PSAP: variants seen among roughly 807,000 people sequenced by gnomAD.
PSAP encodes prosaposin, also known as precursor of saposins.
Under a neutral mutation model 66.0 loss-of-function variants are expected in PSAP, and 25 were observed. The observed-to-expected ratio is 0.38, with a 90% CI of 0.28 to 0.53. The LOEUF (loss-of-function observed/expected upper bound fraction) is 0.53, where lower values mean the gene tolerates loss of function less well. PSAP is among the 20% of genes least tolerant of loss of function. The probability of loss-of-function intolerance (pLI) is 0.83; values close to 1 mark genes in which losing one functional copy is unlikely to be tolerated. For missense variants in PSAP, 649 were observed against 668.8 expected, an observed-to-expected ratio of 0.97 and a Z score of 0.33; for synonymous variants, 273 against 258.9, an observed-to-expected ratio of 1.05 and a Z score of -0.52.
chr10:71,850,409 AT>A (rs1438788142), intron 1 of PSAP, among the ~76,000 whole-genome samples: 1 of 152,196 alleles, frequency 6.6e-6, no homozygotes, highest in Non-Finnish European at 1.5e-5. Context: ...AAATGTTTAA[AT>A]TTACCTATGG....
intron 1 of PSAP, among the ~76,000 whole-genome samples, chr10:71,842,560 C>CA (rs1272331634): frequency 3.9e-5 from 6 of 152,228 alleles, no homozygotes; most frequent in African/African-American, 1.4e-4. Context: ...TGAGAGCCTC[C>CA]AAGCTAAACA....
chr10:71,827,256 G>A (rs540227874), intron 6 of PSAP, among the ~76,000 whole-genome samples: 46 of 152,134 alleles, frequency 3.0e-4, no homozygotes, highest in Non-Finnish European at 5.9e-4. Flanking sequence ...ATAATTAGCC[G>A]GGCATGGTGG....
chr10:71,830,165 G>C (rs1842483974), intron 4 of PSAP, among the ~76,000 whole-genome samples: 2 of 152,198 alleles, frequency 1.3e-5, no homozygotes, highest in South Asian at 4.1e-4. Flanking sequence ...TGCCCACCCT[G>C]CAGACATCTC....
intron 1 of PSAP, among the ~76,000 whole-genome samples, chr10:71,835,873 C>T (rs867057099): frequency 3.3e-5 from 5 of 150,010 alleles, no homozygotes; most frequent in Middle Eastern, 3.5e-3. Flanking sequence ...ACACTTAGAA[C>T]CTCAGGAATC....
chr10:71,818,673 A>T lies in PSAP; in HGVS notation c.1483T>A (p.Cys495Ser). 6.2e-7 allele frequency: 1 copy of T among 1,613,866 alleles called. No individual in the cohort carries two copies. The highest frequency in any genetic ancestry group is 8.5e-7 in the Non-Finnish European group (1 of 1,179,978). ...AHKPLLGTEK[C>S]IWGPSYWCQN... The stretch of plus-strand genomic sequence containing the variant: ...CACCAGTAGCTTGGGCCCCATATAC[A>T]CTTCTCAGTTCCCAACAAGGGCTTA... Residue 495 changes from cysteine to serine, a missense_variant, in exon 13 of 14, where the codon TGT becomes AGT. Cys to Ser is a moderately radical substitution (Grantham distance 112). Transcript: ENST00000394936.
intron 1 of PSAP, among the ~76,000 whole-genome samples, chr10:71,847,423 C>T (rs901076547): frequency 5.3e-5 from 8 of 152,142 alleles, no homozygotes; most frequent in African/African-American, 9.7e-5. Context: ...TGGTGGGCAC[C>T]TATAATCCTA....
chr10:71,837,063 G>A (rs1842639584), intron 1 of PSAP, among the ~76,000 whole-genome samples: 1 of 152,192 alleles, frequency 6.6e-6, no homozygotes, highest in South Asian at 2.1e-4. Context: ...GATACGCATG[G>A]TGGAGAATTC....
intron 1 of PSAP, among the ~76,000 whole-genome samples, chr10:71,847,869 CAT>C (rs1349033096): frequency 7.9e-5 from 12 of 152,180 alleles, no homozygotes; most frequent in African/African-American, 2.2e-4. Context: ...TATAAATTCA[CAT>C]GTTATTGAAA....
At chr10:71,835,281 C>A (rs1488017501) in intron 1 of PSAP, among the ~76,000 whole-genome samples, 1 of 151,146 alleles carries the variant, frequency 6.6e-6, no homozygotes, top group African/African-American at 2.4e-5. Context: ...AAATTCATAC[C>A]CTTATAACAT....
chr10:71,820,330 G>C lies in PSAP; in HGVS notation c.915C>G (p.His305Gln). The change falls in exon 9 of 14, where the codon CAC (histidine) becomes CAG (glutamine). Residue 305 changes from histidine to glutamine, a missense_variant. His to Gln is a conservative substitution (Grantham distance 24). Transcript: ENST00000394936. The stretch of plus-strand genomic sequence containing the variant: ...AAACATCAGACTTTGCTGGGACCTC[G>C]TGCTTCTGTGGAAAGAGTAGAAGGA... ...ALELVEPIKKHEVPAKSDVYC... is the reference protein window; with the variant it reads ...ALELVEPIKKQEVPAKSDVYC... 6.2e-7 allele frequency: 1 copy of C among 1,613,646 alleles called. No individual in the cohort carries two copies. The highest frequency in any genetic ancestry group is 8.5e-7 in the Non-Finnish European group (1 of 1,179,570).
rs373185501 is a variant in PSAP, at chr10:71,819,473, G to C, written c.1342C>G (p.Gln448Glu). Residue 448 changes from glutamine to glutamate, a missense_variant, in exon 11 of 14, where the codon CAG (glutamine) becomes GAG (glutamate). By Grantham distance (29) the Gln-to-Glu change is conservative. Transcript: ENST00000394936. ...KGCSFLPDPY[Q>E]KQCDQFVAEY... Reference sequence around the variant, plus strand: ...CCCAGCCCGGGGCGTACCTGCTTCTGGTAAGGGTCTGGCAGGAAGCTGCAG... The same window carrying C: ...CCCAGCCCGGGGCGTACCTGCTTCTCGTAAGGGTCTGGCAGGAAGCTGCAG... The C allele has an allele frequency of 2.5e-6, 4 of 1,614,038 alleles. No individual in the cohort carries two copies. Among genetic ancestry groups the C allele is most frequent in the Non-Finnish European group, 3.4e-6 (4 of 1,180,056 alleles).
At chr10:71,819,380 GT>G (rs1842245084) in intron 11 of PSAP, 84 bp downstream of exon 11, 1 of 1,575,046 alleles carries the variant, frequency 6.3e-7, no homozygotes. Context: ...GAAACAGCTG[GT>G]TTTCCATCAA....
chr10:71,827,942 G>GCCCTACT, intron 6 of PSAP, 72 bp downstream of exon 6: 1 of 1,588,588 alleles, frequency 6.3e-7, no homozygotes. Context: ...TTGTCTGAAC[G>GCCCTACT]CCCTACTCCA....
chr10:71,837,697 C>T (rs1842652569), intron 1 of PSAP, among the ~76,000 whole-genome samples: 2 of 152,190 alleles, frequency 1.3e-5, no homozygotes, highest in African/African-American at 4.8e-5. Flanking sequence ...GTGTGTGATC[C>T]CACGCATCGG....
chr10:71,831,021 C>A, intron 4 of PSAP, 105 bp downstream of exon 4: 1 of 1,534,772 alleles, frequency 6.5e-7, no homozygotes, highest in Non-Finnish European at 8.9e-7. Flanking sequence ...TGAGGAATTC[C>A]AGAGCTAAGA....
At chr10:71,846,874 G>C (rs1842834732) in intron 1 of PSAP, among the ~76,000 whole-genome samples, 1 of 152,104 alleles carries the variant, frequency 6.6e-6, no homozygotes, top group African/African-American at 2.4e-5. Flanking sequence ...CTTACAGCCT[G>C]GTAGCCAGTA....
Position 71,831,243 on chromosome 10 carries a change from G to A in PSAP, c.258C>T (p.Ile86=). Residue 86 remains isoleucine (I), a synonymous_variant, in exon 4 of 14, where the codon ATC becomes ATT. Coordinates refer to ENST00000394936, the MANE Select transcript of PSAP (RefSeq NM_002778.4). ...MLKDNATEEE[I]LVYLEKTCDW... The stretch of plus-strand genomic sequence containing the variant: ...CACAGGTCTTCTCCAAGTAAACAAG[G>A]ATCTCCTCCTACGAGAGGACACCAG... The A allele has an allele frequency of 6.2e-7, 1 of 1,613,896 alleles. No individual in the cohort carries two copies. Among genetic ancestry groups the A allele is most frequent in the Non-Finnish European group, 8.5e-7 (1 of 1,179,908 alleles).
intron 1 of PSAP, among the ~76,000 whole-genome samples, chr10:71,844,404 G>A (rs1198816309): frequency 6.6e-6 from 1 of 152,216 alleles, no homozygotes; most frequent in Non-Finnish European, 1.5e-5. Context: ...AGTGGCTTAT[G>A]CCTCTAATCC....
chr10:71,850,861 C>G (rs1358176824), intron 1 of PSAP, among the ~76,000 whole-genome samples: 3 of 152,228 alleles, frequency 2.0e-5, no homozygotes, highest in African/African-American at 2.4e-5. Context: ...CCCTACAAGA[C>G]TCACCCACCC....
Sources: gnomAD v4.1 joint callset for allele counts (sites outside exome capture counted in the v4.1 genomes callset) on GRCh38, gnomAD v4.1.1 for gene constraint, MANE v1.5 for transcripts, NCBI Gene and HGNC (gene_info 2026-07-23, HGNC 2026-07-21) for gene names.